Variants in LRRC7 observed in about 807,000 individuals in gnomAD.
LRRC7 encodes the protein leucine rich repeat containing 7.
Under a neutral mutation model 175.7 loss-of-function variants are expected in LRRC7, and 23 were observed. The observed-to-expected ratio is 0.13, with a 90% confidence interval of 0.09 to 0.19. LRRC7 has a LOEUF of 0.19. LRRC7 is among the 10% of genes least tolerant of loss of function. LRRC7 has a pLI of 1.00. For missense variants in LRRC7, 1,354 were observed against 1,904.7 expected, an observed-to-expected ratio of 0.71 and a Z score of 5.38; for synonymous variants, 685 against 680.9, an observed-to-expected ratio of 1.01 and a Z score of -0.09.
intron 7 of LRRC7, among the ~76,000 whole-genome samples, chr1:69,924,164 C>G (rs1646982365): frequency 6.6e-6 from 1 of 151,990 alleles, no homozygotes; most frequent in Non-Finnish European, 1.5e-5. Context: ...TGATCTATAT[C>G]TCTGTTTTGG....
intron 1 of LRRC7, among the ~76,000 whole-genome samples, chr1:69,611,902 A>C (rs954652663): frequency 5.3e-5 from 8 of 152,048 alleles, no homozygotes; most frequent in Non-Finnish European, 1.0e-4. Flanking sequence ...AATGACTCAA[A>C]TATTTTACCA....
chr1:70,122,190 C>T lies in LRRC7; in HGVS notation c.*303C>T, dbSNP rs917615275. ...TCTCAAAATGGATTTCATATAATTTCGGAGCACGGAAGCACACACAAGCTC... is the reference window on the plus strand; with the variant it reads ...TCTCAAAATGGATTTCATATAATTTTGGAGCACGGAAGCACACACAAGCTC... On this transcript the variant is annotated 3_prime_UTR_variant, in exon 27 of 27. Coordinates refer to ENST00000651989, the MANE Select transcript of LRRC7 (RefSeq NM_001370785.2). 19 of 209,158 alleles carry T rather than the reference C, an allele frequency of 9.1e-5. No individual in the cohort carries two copies. Among genetic ancestry groups the T allele is most frequent in the Admixed American group, 4.1e-4 (7 of 16,942 alleles). The allele number at this position is 209,158 out of a possible 1,614,324, so 13.0% of individuals were successfully genotyped here.
chr1:69,778,712 A>G (rs1673104360), intron 3 of LRRC7, among the ~76,000 whole-genome samples: 1 of 152,100 alleles, frequency 6.6e-6, no homozygotes, highest in South Asian at 2.1e-4. Flanking sequence ...CTGATTCCAA[A>G]GTTTATAATC....
chr1:69,940,666 A>G (rs1648614029), intron 8 of LRRC7, among the ~76,000 whole-genome samples: 1 of 152,084 alleles, frequency 6.6e-6, no homozygotes, highest in Non-Finnish European at 1.5e-5. Flanking sequence ...GGAAAATAAA[A>G]GTATTCTGCA....
intron 7 of LRRC7, among the ~76,000 whole-genome samples, chr1:69,906,406 GTCTTCAATCCA>G: frequency 6.6e-6 from 1 of 152,306 alleles, no homozygotes; most frequent in Admixed American, 6.5e-5. Context: ...TAACATGTAA[GTCTTCAATCCA>G]TCTTGAATTA....
rs1666997648 is a variant in LRRC7 at position 70,139,826 on chromosome 1, A to T, written c.*17939A>T. On this transcript the variant is annotated 3_prime_UTR_variant, in exon 27 of 27. Transcript: ENST00000651989. Reference sequence around the variant, plus strand: ...TGTAGGTCCTTCTCAGATTATGCTGAAACTCCAAATCCTTGTTAAAGGTTT... The same window carrying T: ...TGTAGGTCCTTCTCAGATTATGCTGTAACTCCAAATCCTTGTTAAAGGTTT... 1.3e-5 allele frequency: 2 copies of T among 152,318 alleles called. No individual in the cohort carries two copies. The highest frequency in any genetic ancestry group is 4.1e-4 in the South Asian group (2 of 4,826). The allele number at this position is 152,318 out of a possible 1,614,324, so 9.4% of individuals were successfully genotyped here. A position where few individuals can be genotyped will look rare whatever the true frequency, so the allele number is the denominator to read the frequency against.
intron 11 of LRRC7, among the ~76,000 whole-genome samples, chr1:70,009,096 CATGTTTTT>C (rs1656247764): frequency 6.6e-6 from 1 of 152,012 alleles, no homozygotes; most frequent in Admixed American, 6.6e-5. Context: ...AACTTCAATA[CATGTTTTT>C]ATTATAAAAA....
Position 69,596,957 on chromosome 1 carries a change from T to C in LRRC7, c.2+28316T>C, listed in dbSNP as rs77047678. On this transcript the variant is annotated intron_variant, in intron 1 of 26. Coordinates refer to ENST00000651989, the MANE Select transcript of LRRC7 (RefSeq NM_001370785.2). The stretch of plus-strand genomic sequence containing the variant: ...AATCTGGTGTCAGTCACTTACTGTG[T>C]TGGTGAGGCACGCAGAGAATGATTA... Among the ~76,000 whole-genome samples the C allele has an allele frequency of 7.9e-3, 1,203 of 152,328 alleles. 19 individuals carry two copies. The highest frequency in any genetic ancestry group is 0.028 in the African/African-American group (1,147 of 41,572).
At chr1:70,012,902 A>G (rs990419842) in intron 12 of LRRC7, 72 bp from the exon 13 acceptor site, 6 of 740,602 alleles carry the variant, frequency 8.1e-6, no homozygotes, top group Non-Finnish European at 1.2e-5. Flanking sequence ...ATTGTTTTAA[A>G]AATTAGAAAA....
chr1:69,844,208 A>G (rs1239395563), intron 7 of LRRC7, among the ~76,000 whole-genome samples: 1 of 151,574 alleles, frequency 6.6e-6, no homozygotes, highest in East Asian at 1.9e-4. Context: ...TGGTAAGACT[A>G]CTTAACATGA....
intron 7 of LRRC7, among the ~76,000 whole-genome samples, chr1:69,843,963 A>T (rs1282502370): frequency 6.6e-6 from 1 of 152,094 alleles, no homozygotes; most frequent in Non-Finnish European, 1.5e-5. Context: ...GTAATATATC[A>T]CTATTAATTT....
At chr1:70,037,637 T>G (rs976173120) in intron 20 of LRRC7, among the ~76,000 whole-genome samples, 1 of 152,216 alleles carries the variant, frequency 6.6e-6, no homozygotes, top group Admixed American at 6.5e-5. Context: ...TAGTTTGAAA[T>G]GTACCAAATC....
At chr1:69,631,421 G>C (rs899037922) in intron 1 of LRRC7, among the ~76,000 whole-genome samples, 10 of 151,988 alleles carry the variant, frequency 6.6e-5, no homozygotes, top group African/African-American at 2.4e-4. Context: ...CCATAGGACA[G>C]CATCTCTCCT....
intron 2 of LRRC7, among the ~76,000 whole-genome samples, chr1:69,721,567 A>G (rs1236143838): frequency 6.6e-6 from 1 of 151,932 alleles, no homozygotes; most frequent in Non-Finnish European, 1.5e-5. Context: ...ACTGAATAAT[A>G]TGCCATTATA....
At chr1:69,862,352 A>G (rs1274049968) in intron 7 of LRRC7, among the ~76,000 whole-genome samples, 2 of 152,220 alleles carry the variant, frequency 1.3e-5, no homozygotes, top group Non-Finnish European at 2.9e-5. Context: ...TAAAAGAATC[A>G]GGCTTCTTTC....
At chr1:69,772,534 G>A (rs569254245) in intron 3 of LRRC7, among the ~76,000 whole-genome samples, 2 of 152,264 alleles carry the variant, frequency 1.3e-5, no homozygotes, top group South Asian at 4.1e-4. Context: ...GAGAAACAAT[G>A]ACATGAAATT....
At chr1:70,010,638 T>C (rs1173906300) in intron 11 of LRRC7, among the ~76,000 whole-genome samples, 3 of 152,174 alleles carry the variant, frequency 2.0e-5, no homozygotes, top group Non-Finnish European at 4.4e-5. Context: ...TCCCTTTACA[T>C]TGGTAGAATC....
At chr1:69,942,410 T>C (rs1215467129) in intron 8 of LRRC7, among the ~76,000 whole-genome samples, 3 of 152,102 alleles carry the variant, frequency 2.0e-5, no homozygotes, top group Non-Finnish European at 4.4e-5. Context: ...TATATACCTG[T>C]GTTACTTTTC....
At chr1:69,706,934 G>A (rs1309568069) in intron 2 of LRRC7, among the ~76,000 whole-genome samples, 1 of 151,966 alleles carries the variant, frequency 6.6e-6, no homozygotes, top group Non-Finnish European at 1.5e-5. Flanking sequence ...TTCGGTTCTG[G>A]GCCTTATGAT....
Sources: gnomAD v4.1 joint callset for allele counts (sites outside exome capture counted in the v4.1 genomes callset) on GRCh38, gnomAD v4.1.1 for gene constraint, MANE v1.5 for transcripts, NCBI Gene and HGNC (gene_info 2026-07-23, HGNC 2026-07-21) for gene names.